The following ACP5 variants were observed in gnomAD, a reference collection of about 807,000 sequenced individuals.
ACP5 encodes acid phosphatase 5, tartrate resistant.
Under a neutral mutation model 28.7 loss-of-function variants are expected in ACP5, and 24 were observed. The observed-to-expected ratio is 0.84, with a 90% confidence interval of 0.61 to 1.18. ACP5 has a LOEUF of 1.18. ACP5 is among the 50% of genes most tolerant of loss of function. ACP5 has a pLI of 0.00. For synonymous variants in ACP5, 154 were observed against 181.4 expected (o/e 0.85, Z 1.21); for missense variants, 354 against 422.2 (o/e 0.84, Z 1.42).
rs202233676 is a variant in ACP5, at chr19:11,577,073, T to A, written c.245A>T (p.Asn82Ile). ...NFYFTGVQDI[N>I]DKRFQETFED... ...GGCACAGACCTGGAACCTCTTGTCA[T>A]TGATGTCTTGCACACCAGTGAAGTA... Residue 82 changes from asparagine to isoleucine, a missense_variant, in exon 2 of 5, where the codon AAT becomes ATT. Physicochemically the swap from Asn to Ile is moderately radical, Grantham distance 149 (BLOSUM62 -3). Coordinates refer to ENST00000648477, the MANE Select transcript of ACP5 (RefSeq NM_001611.5). The surrounding 1 kb of genome is among the most constrained non-coding windows in gnomAD (Gnocchi z 5.7). 1 of 1,614,106 alleles carries A rather than the reference T, an allele frequency of 6.2e-7. No individual in the cohort carries two copies. The highest frequency in any genetic ancestry group is 1.1e-5 in the South Asian group (1 of 91,082).
chr19:11,575,854 A>G (rs1444108556), intron 4 of ACP5, among the ~76,000 whole-genome samples: 1 of 151,038 alleles, frequency 6.6e-6, no homozygotes, highest in African/African-American at 2.4e-5. Context: ...AAAAGCAAAA[A>G]TTAGCTGCAT....
chr19:11,576,591 G>A lies in ACP5; in HGVS notation c.390-3C>T. ...GGTAGAAAGGGCTGGGGAAGTTCCT[G>A]TGGAGGGGATAGAGGTCGTGGGTGC... On this transcript the variant is annotated splice_polypyrimidine_tract_variant and splice_region_variant and intron_variant, in intron 3 of 4. Transcript: ENST00000648477. The A allele has an allele frequency of 1.2e-6, 2 of 1,613,900 alleles. No individual in the cohort carries two copies. Among genetic ancestry groups the A allele is most frequent in the Non-Finnish European group, 8.5e-7 (1 of 1,179,840 alleles).
chr19:11,575,789 G>A (rs1340487637), intron 4 of ACP5, among the ~76,000 whole-genome samples: 4 of 151,474 alleles, frequency 2.6e-5, no homozygotes, highest in Admixed American at 6.6e-5. Context: ...CCCAGGAGGC[G>A]GAGGTTGCAG....
In ACP5 at chr19:11,576,006, C is replaced by CAAAAAAAAAA. The variant is rs3035420; in HGVS notation, c.735+227_735+236dup. Among the ~76,000 whole-genome samples the CAAAAAAAAAA allele has an allele frequency of 1.4e-3, 75 of 52,666 alleles. 1 individual carries two copies. The highest frequency in any genetic ancestry group is 3.3e-3 in the African/African-American group (40 of 11,978). The allele number at this position is 52,666 out of a possible 152,430, so 34.6% of individuals were successfully genotyped here. On this transcript the variant is annotated intron_variant, in intron 4 of 4. Coordinates refer to ENST00000648477, the MANE Select transcript of ACP5 (RefSeq NM_001611.5). ...GTGAAAAACAATGAAACCTTGTCTCCAAAAAAAAAAAAAAAAAAGAGCTTA... is the reference window on the plus strand; with the variant it reads ...GTGAAAAACAATGAAACCTTGTCTCCAAAAAAAAAAAAAAAAAAAAAAAAAAAAGAGCTTA...
intron 4 of ACP5, 85 bp from the exon 5 acceptor site, chr19:11,575,337 C>T (rs1357901454): frequency 1.3e-6 from 2 of 1,549,076 alleles, no homozygotes; most frequent in African/African-American, 2.7e-5. Context: ...TGGCCCTAAC[C>T]ACAGAGTCAC....
At position 11,576,420 on chromosome 19, in the gene ACP5, G is replaced by A; in HGVS notation, c.558C>T (p.Ser186=). Residue 186 remains serine (S), a synonymous_variant, in exon 4 of 5, where the codon TCC becomes TCT. Coordinates refer to ENST00000648477, the MANE Select transcript of ACP5 (RefSeq NM_001611.5). ...CCGCCGCCAGCTGTTTCTTGAGCCAGGACAGCTGTGTGCGGGCCAGCTTCA... is the reference window on the plus strand; with the variant it reads ...CCGCCGCCAGCTGTTTCTTGAGCCAAGACAGCTGTGTGCGGGCCAGCTTCA... The part of the protein sequence containing the change: ...RDVKLARTQL[S]WLKKQLAAAR... The A allele has an allele frequency of 6.2e-7, 1 of 1,613,978 alleles. No homozygotes were observed. The highest frequency in any genetic ancestry group is 8.5e-7 in the Non-Finnish European group (1 of 1,180,032).
chr19:11,576,174 G>C, intron 4 of ACP5, 69 bp downstream of exon 4: 1 of 1,374,850 alleles, frequency 7.3e-7, no homozygotes, highest in Non-Finnish European at 1.0e-6. Flanking sequence ...GAGGACCCCA[G>C]CCATGTGGAC....
At position 11,574,836 on chromosome 19, in the gene ACP5, G is replaced by T; in HGVS notation, c.*174C>A. The T allele has an allele frequency of 1.4e-6, 1 of 697,324 alleles. No homozygotes were observed. Among genetic ancestry groups the T allele is most frequent in the Non-Finnish European group, 2.5e-6 (1 of 403,588 alleles). The allele number at this position is 697,324 out of a possible 1,614,324, so 43.2% of individuals were successfully genotyped here. On this transcript the variant is annotated 3_prime_UTR_variant, in exon 5 of 5. Coordinates refer to ENST00000648477, the MANE Select transcript of ACP5 (RefSeq NM_001611.5). ...TGTCCATGTGTGTTTCACATACGTG[G>T]GCATCTGTGCCACAAGGGTCATGTG...
intron 4 of ACP5, 140 bp downstream of exon 4, chr19:11,576,099 TAGAC>T (rs1243426076): frequency 1.6e-6 from 1 of 631,768 alleles, no homozygotes; most frequent in Non-Finnish European, 2.7e-6. Context: ...TTTTCCTGGT[TAGAC>T]AGCAAGATTT....
At chr19:11,576,918 AG>A (rs1568430344) in intron 2 of ACP5, 75 bp from the exon 3 acceptor site, 3 of 1,612,048 alleles carry the variant, frequency 1.9e-6, no homozygotes, top group Non-Finnish European at 2.5e-6. Flanking sequence ...AGTCAGGATA[AG>A]GGAGACACTG....
rs986159118 is a variant in ACP5 at position 11,575,582 on chromosome 19, G to T, written c.736-330C>A. ...TACAAAAAAAATGCGCAAGGGCCAG[G>T]TGCAGTGGCTCATGCCTATAATCCC... On this transcript the variant is annotated intron_variant, in intron 4 of 4. Coordinates refer to ENST00000648477, the MANE Select transcript of ACP5 (RefSeq NM_001611.5). The T allele has an allele frequency of 9.6e-5, 35 of 364,852 alleles. No homozygotes were observed. In the Admixed American group the frequency reaches 1.3e-3, roughly 14 times the overall value. The allele number at this position is 364,852 out of a possible 1,614,324, so 22.6% of individuals were successfully genotyped here. A position where few individuals can be genotyped will look rare whatever the true frequency, so the allele number is the denominator to read the frequency against.
chr19:11,576,543 C>A lies in ACP5; in HGVS notation c.435G>T (p.Gln145His). 1 of 1,613,842 alleles carries A rather than the reference C, an allele frequency of 6.2e-7. No homozygotes were observed. Among genetic ancestry groups the A allele is most frequent in the South Asian group, 1.1e-5 (1 of 91,044 alleles). The change falls in exon 4 of 5, where the codon CAG becomes CAT. Residue 145 changes from glutamine (Q) to histidine (H), a missense_variant. Gln to His is a conservative substitution (Grantham distance 24). Coordinates refer to ENST00000648477, the MANE Select transcript of ACP5 (RefSeq NM_001611.5). Reference sequence around the variant, plus strand: ...TAAAAATGGCCACAGACACATTGGTCTGTGGGATCTTGAAGTGCAGGCGGT... The same window carrying A: ...TAAAAATGGCCACAGACACATTGGTATGTGGGATCTTGAAGTGCAGGCGGT... ...PFYRLHFKIP[Q>H]TNVSVAIFML...
rs901257787 is a variant in ACP5 at position 11,576,124 on chromosome 19, C to T, written c.735+119G>A. On this transcript the variant is annotated intron_variant, in intron 4 of 4. Transcript: ENST00000648477. ...TAGACAGCAAGATTTGAGGGACAGT[C>T]TAGACATTCTGAAGGCCACAGGAGA... is the stretch of plus-strand genomic sequence containing the variant. The T allele has an allele frequency of 1.0e-5, 8 of 801,082 alleles. No individual in the cohort carries two copies. The South Asian group carries it at 1.2e-4, about 12-fold the overall frequency. The allele number at this position is 801,082 out of a possible 1,614,324, so 49.6% of individuals were successfully genotyped here.
At chr19:11,576,929 G>A in intron 2 of ACP5, 86 bp from the exon 3 acceptor site, 1 of 1,608,890 alleles carries the variant, frequency 6.2e-7, no homozygotes, top group South Asian at 1.1e-5. Flanking sequence ...GGGAGACACT[G>A]AATGCTCCCG....
At position 11,574,942 on chromosome 19, in the gene ACP5, A is replaced by T; in HGVS notation, c.*68T>A. 6.3e-7 allele frequency: 1 copy of T among 1,592,456 alleles called. No homozygotes were observed. Among genetic ancestry groups the T allele is most frequent in the Non-Finnish European group, 8.6e-7 (1 of 1,162,296 alleles). On this transcript the variant is annotated 3_prime_UTR_variant, in exon 5 of 5. Transcript: ENST00000648477. Reference sequence around the variant, plus strand: ...TTGGAGGAAAAGCCTGCCTGTGAGCAGGGTCCCGGCAGGGCCCACCCACCC... The same window carrying T: ...TTGGAGGAAAAGCCTGCCTGTGAGCTGGGTCCCGGCAGGGCCCACCCACCC...
In ACP5 at chr19:11,577,364, C is replaced by T. The variant is rs368967598; in HGVS notation, c.1-47G>A. 3.8e-6 allele frequency: 6 copies of T among 1,598,592 alleles called. No individual in the cohort carries two copies. The African/African-American group carries it at 8.0e-5, about 21-fold the overall frequency. On this transcript the variant is annotated intron_variant, in intron 1 of 4. Coordinates refer to ENST00000648477, the MANE Select transcript of ACP5 (RefSeq NM_001611.5). The surrounding 1 kb of genome is among the most constrained non-coding windows in gnomAD (Gnocchi z 5.7). ...TAGGTGGCCCGGGCTGTGACAAGGG[C>T]AGGGAGGCCTTGAGACCCCCGCCTG...
At chr19:11,576,180 TG>T in intron 4 of ACP5, 62 bp downstream of exon 4, 2 of 1,413,228 alleles carry the variant, frequency 1.4e-6, no homozygotes, top group Non-Finnish European at 1.9e-6. Flanking sequence ...CCCAGCCATG[TG>T]GACATCAGCT....
In ACP5 at chr19:11,575,199, G is replaced by C; in HGVS notation, c.789C>G (p.Phe263Leu). 6.2e-7 allele frequency: 1 copy of C among 1,614,032 alleles called. No individual in the cohort carries two copies. Among genetic ancestry groups the C allele is most frequent in the African/African-American group, 1.3e-5 (1 of 75,048 alleles). The change falls in exon 5 of 5, where the codon TTC becomes TTG. Residue 263 changes from phenylalanine (F) to leucine (L), a missense_variant. Phe to Leu is a conservative substitution (Grantham distance 22). Transcript: ENST00000648477. ...VGYVLSGAGN[F>L]MDPSKRHQRK... is the part of the protein sequence containing the mutation. Reference sequence around the variant, plus strand: ...GCTGGTGCCGCTTTGAGGGGTCCATGAAATTCCCAGCCCCACTCAGCACGT... The same window carrying C: ...GCTGGTGCCGCTTTGAGGGGTCCATCAAATTCCCAGCCCCACTCAGCACGT...
At chr19:11,576,667 T>C (rs1266854986) in intron 3 of ACP5, 49 bp downstream of exon 3, 1 of 1,613,786 alleles carries the variant, frequency 6.2e-7, no homozygotes, top group Non-Finnish European at 8.5e-7. Flanking sequence ...AGGGCCCCTG[T>C]GTCCCTGCTA....
Sources: gnomAD v4.1 joint callset for allele counts (sites outside exome capture counted in the v4.1 genomes callset) on GRCh38, gnomAD v4.1.1 for gene constraint, Gnocchi (gnomAD v3.1) non-coding constraint, MANE v1.5 for transcripts, NCBI Gene and HGNC (gene_info 2026-07-23, HGNC 2026-07-21) for gene names.